Variants in MYLK2 observed in about 807,000 individuals in gnomAD.
MYLK2 encodes myosin light chain kinase 2, skeletal/cardiac muscle.
A neutral mutation model predicts 58.2 loss-of-function variants in MYLK2; 27 were observed. The ratio of observed to expected loss-of-function variants is 0.46; its 90% CI spans 0.34 to 0.64. The LOEUF is 0.64. Among genes scored for constraint, MYLK2 ranks in the 30% least tolerant of loss-of-function variants. MYLK2 has a pLI of 0.01. For synonymous variants in MYLK2, 310 were observed against 296.7 expected (o/e 1.04, Z -0.46); for missense variants, 676 against 764.3 (o/e 0.88, Z 1.36).
At chr20:31,824,003 C>A in intron 5 of MYLK2, 2 of 985,158 alleles carry the variant, frequency 2.0e-6, no homozygotes, top group Non-Finnish European at 2.4e-6. Context: ...CATCCCAGGG[C>A]CATCCTCCCT....
At chr20:31,828,537 C>A (rs1012269728) in intron 8 of MYLK2, 1 of 979,882 alleles carries the variant, frequency 1.0e-6, no homozygotes, top group Non-Finnish European at 1.2e-6. Context: ...TCTCATGGAG[C>A]CTCCAGGGGA....
intron 6 of MYLK2, 150 bp downstream of exon 6, chr20:31,824,502 A>G: frequency 1.3e-6 from 2 of 1,505,456 alleles, no homozygotes; most frequent in South Asian, 2.6e-5. Context: ...AGAGAGATGG[A>G]TGGACAGCCC....
chr20:31,833,770 G>A lies in MYLK2; in HGVS notation c.1764G>A (p.Ser588=), dbSNP rs758879929. The A allele has an allele frequency of 7.4e-6, 12 of 1,613,354 alleles. No homozygotes were observed. The highest frequency in any genetic ancestry group is 6.7e-5 in the East Asian group (3 of 44,888). The change falls in exon 13 of 13, where the codon TCG becomes TCA. Residue 588 remains serine (S), a synonymous_variant. Coordinates refer to ENST00000375985, the MANE Select transcript of MYLK2 (RefSeq NM_033118.4). ...ACCGCTTCAAGAAGATCAGCAGCTC[G>A]GGGGCACTGATGGCTCTGGGGGTCT... ...AANRFKKISS[S]GALMALGV is the part of the protein sequence containing the mutation.
In MYLK2 at chr20:31,820,240, C is replaced by G. The variant is rs751084569; in HGVS notation, c.167C>G (p.Ala56Gly). ...CCCACCCTGAAGAAAGATGCCAAAG[C>G]CCCTGCCTCAGAGAAAGGGGATGGT... ...DPPTLKKDAK[A>G]PASEKGDGTL... Residue 56 changes from alanine to glycine, a missense_variant, in exon 3 of 13, where the codon GCC becomes GGC. Ala to Gly is a moderately conservative substitution (Grantham distance 60, BLOSUM62 0). This residue lies in a region of MYLK2 where 306 missense variants were observed against 296.5 expected (regional missense o/e 1.03). Transcript: ENST00000375985. 2 of 1,613,964 alleles carry G rather than the reference C, an allele frequency of 1.2e-6. No homozygotes were observed. Among genetic ancestry groups the G allele is most frequent in the African/African-American group, 2.7e-5 (2 of 74,942 alleles).
At chr20:31,823,440 C>A in intron 4 of MYLK2, 37 bp from the exon 5 acceptor site, 1 of 1,574,628 alleles carries the variant, frequency 6.4e-7, no homozygotes. Flanking sequence ...TCAGCAGCCC[C>A]TGGCACTGAC....
At chr20:31,833,640 T>G in intron 12 of MYLK2, 77 bp from the exon 13 acceptor site, 6 of 1,328,260 alleles carry the variant, frequency 4.5e-6, no homozygotes, top group Non-Finnish European at 6.5e-6. Context: ...TGAAGGGGAC[T>G]TACAGGCTGC....
At position 31,820,463 on chromosome 20, in the gene MYLK2, G is replaced by C; in HGVS notation, c.390G>C (p.Lys130Asn). 6.2e-7 allele frequency: 1 copy of C among 1,611,436 alleles called. No individual in the cohort carries two copies. The change falls in exon 3 of 13, where the codon AAG becomes AAC. Residue 130 changes from lysine (K) to asparagine (N), a missense_variant. By Grantham distance (94) the Lys-to-Asn change is moderately conservative (BLOSUM62 0). Transcript: ENST00000375985. ...SQDPGKPRVG[K>N]KAAEGQAAAR... Reference sequence around the variant, plus strand: ...ATCCTGGAAAGCCCAGGGTGGGCAAGAAGGCAGCAGAGGGCCAAGCAGCAG... The same window carrying C: ...ATCCTGGAAAGCCCAGGGTGGGCAACAAGGCAGCAGAGGGCCAAGCAGCAG...
chr20:31,827,128 AGAGAG>A, intron 8 of MYLK2, 190 bp downstream of exon 8: 1 of 980,210 alleles, frequency 1.0e-6, no homozygotes, highest in Non-Finnish European at 1.2e-6. Context: ...CAGCAAAGAG[AGAGAG>A]GGGGGGAAAA....
rs146708367 is a variant in MYLK2 at position 31,832,682 on chromosome 20, G to A, written c.1710+546G>A. ...TAATTTTTGTATTTTTAGTGGAGAC[G>A]GGGTTTCACCATGTTGGCCAGGCTG... On this transcript the variant is annotated intron_variant, in intron 12 of 12. Coordinates refer to ENST00000375985, the MANE Select transcript of MYLK2 (RefSeq NM_033118.4). Among the ~76,000 whole-genome samples, 1,124 of 152,068 alleles carry A rather than the reference G, an allele frequency of 7.4e-3. 11 individuals are homozygous for A. The highest frequency in any genetic ancestry group is 0.026 in the African/African-American group (1,074 of 41,464).
chr20:31,833,571 G>A, intron 12 of MYLK2, 146 bp from the exon 13 acceptor site: 1 of 736,730 alleles, frequency 1.4e-6, no homozygotes, highest in Non-Finnish European at 2.4e-6. Context: ...ACAGTGTCAT[G>A]GCGCCTCCCG....
chr20:31,832,967 A>G (rs1465129686), intron 12 of MYLK2, among the ~76,000 whole-genome samples: 1 of 152,150 alleles, frequency 6.6e-6, no homozygotes, highest in Non-Finnish European at 1.5e-5. Context: ...GGCTCACTGT[A>G]GTCTTGACCT....
chr20:31,834,133 C>T lies in MYLK2; in HGVS notation c.*336C>T, dbSNP rs556354128. The T allele has an allele frequency of 3.6e-5, 13 of 364,274 alleles. No individual in the cohort carries two copies. The highest frequency in any genetic ancestry group is 1.9e-4 in the African/African-American group (9 of 48,124). The allele number at this position is 364,274 out of a possible 1,614,324, so 22.6% of individuals were successfully genotyped here. A position where few individuals can be genotyped will look rare whatever the true frequency, so the allele number is the denominator to read the frequency against. ...TTTGAACTGCCGCCGCCGTGGTGAC[C>T]CCTGCTTTGCCCCACTGGGAGAGTC... On this transcript the variant is annotated 3_prime_UTR_variant, in exon 13 of 13. Transcript: ENST00000375985.
intron 6 of MYLK2, 96 bp from the exon 7 acceptor site, chr20:31,826,509 C>A: frequency 1.3e-6 from 2 of 1,540,986 alleles, no homozygotes; most frequent in Non-Finnish European, 1.8e-6. Flanking sequence ...GTGATCTGGG[C>A]AAGGCTAGCA....
At position 31,826,933 on chromosome 20, in the gene MYLK2, C is replaced by G; in HGVS notation, c.1219C>G (p.Leu407Val). 6.2e-7 allele frequency: 1 copy of G among 1,614,096 alleles called. No individual in the cohort carries two copies. The highest frequency in any genetic ancestry group is 8.5e-7 in the Non-Finnish European group (1 of 1,180,020). The change falls in exon 8 of 13, where the codon CTC (leucine) becomes GTC (valine). Residue 407 changes from leucine (L) to valine (V), a missense_variant. Around this residue, in one of 2 missense-constraint regions of MYLK2, gnomAD observed 370 missense variants for 467.8 expected, o/e 0.79. Coordinates refer to ENST00000375985, the MANE Select transcript of MYLK2 (RefSeq NM_033118.4). ...CAAGATGAGGGTTTTGCACCTGGACCTCAAGGTACCAGACTGGGGCCTCCT... is the reference window on the plus strand; with the variant it reads ...CAAGATGAGGGTTTTGCACCTGGACGTCAAGGTACCAGACTGGGGCCTCCT... ...MHKMRVLHLD[L>V]KPENILCVNT... is the part of the protein sequence containing the mutation.
chr20:31,834,020 C>T lies in MYLK2; in HGVS notation c.*223C>T. On this transcript the variant is annotated 3_prime_UTR_variant, in exon 13 of 13. Coordinates refer to ENST00000375985, the MANE Select transcript of MYLK2 (RefSeq NM_033118.4). The stretch of plus-strand genomic sequence containing the variant: ...GCCTGGATCCATCCTGCTAGCACCT[C>T]CCCAGACAGGGCTCCAGCCTGTCGG... 5.2e-6 allele frequency: 3 copies of T among 573,104 alleles called. No homozygotes were observed. The highest frequency in any genetic ancestry group is 9.4e-6 in the Non-Finnish European group (3 of 320,122). 35.5% of individuals were successfully genotyped at this position (573,104 alleles called of 1,614,324 possible). A position where few individuals can be genotyped will look rare whatever the true frequency, so the allele number is the denominator to read the frequency against.
chr20:31,825,293 A>G (rs1034912841), intron 6 of MYLK2, among the ~76,000 whole-genome samples: 1 of 152,204 alleles, frequency 6.6e-6, no homozygotes, highest in Non-Finnish European at 1.5e-5. Context: ...GGTCCGTGTT[A>G]TTGTCTCCTA....
intron 3 of MYLK2, among the ~76,000 whole-genome samples, chr20:31,821,142 A>G (rs1273363130): frequency 6.6e-6 from 1 of 152,218 alleles, no homozygotes; most frequent in Non-Finnish European, 1.5e-5. Context: ...TTATGTATCA[A>G]TTATATCACA....
chr20:31,819,691 G>A, intron 2 of MYLK2, 59 bp downstream of exon 2: 2 of 1,539,108 alleles, frequency 1.3e-6, no homozygotes, highest in Non-Finnish European at 1.8e-6. Context: ...TTTGAATCCA[G>A]GACTGGGCAG....
In MYLK2 at chr20:31,827,506, A is replaced by G. The variant is rs749465684; in HGVS notation, c.1224+568A>G. 7.1e-6 allele frequency: 7 copies of G among 985,270 alleles called. No individual in the cohort carries two copies. In the African/African-American group the frequency reaches 1.2e-4, roughly 17 times the overall value. 61.0% of individuals were successfully genotyped at this position (985,270 alleles called of 1,614,324 possible). On this transcript the variant is annotated intron_variant, in intron 8 of 12. Coordinates refer to ENST00000375985, the MANE Select transcript of MYLK2 (RefSeq NM_033118.4). ...TAGGCGCTAACAACAATGTTTCGTG[A>G]AAGAATATTGATATCCTTCTTCTTT...
Sources: gnomAD v4.1 joint callset for allele counts (sites outside exome capture counted in the v4.1 genomes callset) on GRCh38, gnomAD v4.1.1 for gene constraint, gnomAD v4.1.1 regional missense constraint, MANE v1.5 for transcripts, NCBI Gene and HGNC (gene_info 2026-07-23, HGNC 2026-07-21) for gene names.